The following NAALADL2 variants were observed in gnomAD, a reference collection of about 807,000 sequenced individuals.
NAALADL2 encodes inactive N-acetylated-alpha-linked acidic dipeptidase-like protein 2.
NAALADL2 carries 76 observed loss-of-function variants against 87.2 expected under a neutral mutation model. The observed-to-expected ratio is 0.87, with a 90% confidence interval of 0.72 to 1.05. NAALADL2 has a LOEUF of 1.05. Ranked by LOEUF, NAALADL2 falls within the 50% of genes least tolerant of loss-of-function variation. The pLI is 0.00. For missense variants in NAALADL2, 1,089 were observed against 945.8 expected (o/e 1.15, Z -1.99); for synonymous variants, 354 against 331.0 (o/e 1.07, Z -0.75).
At chr3:174,448,402 G>A (rs147594557) in intron 1 of NAALADL2, among the ~76,000 whole-genome samples, 1 of 152,312 alleles carries the variant, frequency 6.6e-6, no homozygotes, top group East Asian at 1.9e-4. Flanking sequence ...AAGAGGCACT[G>A]AAAGAATCAG....
intron 1 of NAALADL2, among the ~76,000 whole-genome samples, chr3:175,011,920 C>T (rs533188456): frequency 5.9e-5 from 9 of 152,160 alleles, no homozygotes; most frequent in African/African-American, 1.9e-4. Flanking sequence ...CATGTTAAAG[C>T]ATGCAAAAAC....
intron 3 of NAALADL2, among the ~76,000 whole-genome samples, chr3:175,253,030 A>G (rs1293985562): frequency 6.6e-6 from 1 of 152,228 alleles, no homozygotes; most frequent in Non-Finnish European, 1.5e-5. Context: ...TATAGAAGCC[A>G]CAGAGAGTTA....
chr3:174,999,529 G>A (rs1351420686), intron 1 of NAALADL2, among the ~76,000 whole-genome samples: 1 of 152,016 alleles, frequency 6.6e-6, no homozygotes, highest in African/African-American at 2.4e-5. Context: ...GTTATTCATA[G>A]GCTAACCCCT....
rs571864855 is a variant in NAALADL2 at position 175,072,055 on chromosome 3, A to T, written c.44-24735A>T. On this transcript the variant is annotated intron_variant, in intron 1 of 13. Coordinates refer to ENST00000454872, the MANE Select transcript of NAALADL2 (RefSeq NM_207015.3). Reference sequence around the variant, plus strand: ...GGAATATATGTACATTTTGTGGTTCAGAAAATATGGTCACAGTGTAAAACC... The same window carrying T: ...GGAATATATGTACATTTTGTGGTTCTGAAAATATGGTCACAGTGTAAAACC... Among the ~76,000 whole-genome samples the T allele has an allele frequency of 7.9e-5, 12 of 152,206 alleles. No individual in the cohort carries two copies. In the East Asian group the frequency reaches 2.3e-3, roughly 29 times the overall value.
intron 1 of NAALADL2, among the ~76,000 whole-genome samples, chr3:174,469,743 G>T (rs1219410215): frequency 6.6e-6 from 1 of 151,964 alleles, no homozygotes; most frequent in Non-Finnish European, 1.5e-5. Flanking sequence ...AATATTTTAA[G>T]GATAGTGAAG....
intron 1 of NAALADL2, among the ~76,000 whole-genome samples, chr3:175,093,139 T>C (rs527932048): frequency 7.2e-5 from 11 of 151,858 alleles, no homozygotes; most frequent in African/African-American, 2.6e-4. Flanking sequence ...GCATCAGTAA[T>C]AAAAAATTGA....
At chr3:175,264,674 A>C (rs62285940) in intron 4 of NAALADL2, among the ~76,000 whole-genome samples, 6,271 of 151,808 alleles carry the variant, frequency 0.041, 180 homozygotes, top group Non-Finnish European at 0.063. Context: ...AAATAAATAT[A>C]ACTTGACTTT....
chr3:175,242,744 C>A (rs995041123), intron 3 of NAALADL2, among the ~76,000 whole-genome samples: 2 of 152,158 alleles, frequency 1.3e-5, no homozygotes, highest in Non-Finnish European at 2.9e-5. Context: ...ACCTTTTATA[C>A]ATTAATCGCA....
chr3:175,678,527 T>C (rs553501312), intron 11 of NAALADL2, among the ~76,000 whole-genome samples: 25 of 151,686 alleles, frequency 1.6e-4, no homozygotes, highest in African/African-American at 5.4e-4. Context: ...AGATACACCA[T>C]GGAATACTAT....
At chr3:175,622,795 T>G (rs1196887787) in intron 10 of NAALADL2, among the ~76,000 whole-genome samples, 1 of 152,098 alleles carries the variant, frequency 6.6e-6, no homozygotes, top group Non-Finnish European at 1.5e-5. Context: ...ACAATGTGTA[T>G]TAAAGCATCA....
At chr3:174,694,285 A>G (rs935813683) in intron 2 of NAALADL2, among the ~76,000 whole-genome samples, 15 of 152,206 alleles carry the variant, frequency 9.9e-5, no homozygotes, top group Middle Eastern at 6.8e-3. Flanking sequence ...TTTAGTAACT[A>G]TGGCTGAAAA....
intron 1 of NAALADL2, among the ~76,000 whole-genome samples, chr3:174,885,811 CTCACACAA>C (rs1294081226): frequency 7.5e-6 from 1 of 132,670 alleles, no homozygotes; most frequent in Non-Finnish European, 1.6e-5. Context: ...TAAGTATTAA[CTCACACAA>C]TCACAAGTTC....
chr3:175,267,512 C>G (rs1752136395), intron 4 of NAALADL2, among the ~76,000 whole-genome samples: 1 of 152,040 alleles, frequency 6.6e-6, no homozygotes, highest in African/African-American at 2.4e-5. Context: ...CTTTTATGCT[C>G]AAATAAACTC....
intron 3 of NAALADL2, among the ~76,000 whole-genome samples, chr3:175,250,355 C>T (rs1748838629): frequency 6.6e-6 from 1 of 151,290 alleles, no homozygotes; most frequent in African/African-American, 2.4e-5. Context: ...AGAGCCATTG[C>T]CAGAAACCTA....
chr3:175,463,283 A>T, intron 6 of NAALADL2, 118 bp from the exon 7 acceptor site: 1 of 612,760 alleles, frequency 1.6e-6, no homozygotes, highest in East Asian at 2.9e-5. Flanking sequence ...TGGCTATCTG[A>T]GAACATTCAA....
In NAALADL2 at chr3:175,340,605, G is replaced by A. The variant is rs1342968628; in HGVS notation, c.1090+16280G>A. On this transcript the variant is annotated intron_variant, in intron 5 of 13. Coordinates refer to ENST00000454872, the MANE Select transcript of NAALADL2 (RefSeq NM_207015.3). ...AGCAGGGAGTGTTGGGAGTAGCTTT[G>A]TGGCAGCATGGCTTCTTCAACTGGC... Among the ~76,000 whole-genome samples the A allele has an allele frequency of 2.6e-5, 4 of 152,132 alleles. No homozygotes were observed. In the East Asian group the frequency reaches 7.7e-4, roughly 29 times the overall value.
At chr3:175,535,054 G>A (rs1343050939) in intron 9 of NAALADL2, among the ~76,000 whole-genome samples, 9 of 152,058 alleles carry the variant, frequency 5.9e-5, no homozygotes, top group African/African-American at 2.4e-5. Context: ...TCACTGTGGT[G>A]CATTATTAGA....
chr3:174,887,546 G>A (rs1730324397), intron 1 of NAALADL2, among the ~76,000 whole-genome samples: 1 of 152,174 alleles, frequency 6.6e-6, no homozygotes, highest in Non-Finnish European at 1.5e-5. Context: ...CATAAACCCA[G>A]CAATTTTGGA....
At chr3:174,652,464 A>G (rs2108757587) in intron 2 of NAALADL2, among the ~76,000 whole-genome samples, 1 of 152,332 alleles carries the variant, frequency 6.6e-6, no homozygotes, top group South Asian at 2.1e-4. Flanking sequence ...GGGAGGCCTC[A>G]CAATCATGGC....
Sources: allele counts gnomAD v4.1 joint callset (sites outside exome capture counted in the v4.1 genomes callset), GRCh38; gene constraint gnomAD v4.1.1; transcripts MANE v1.5; gene names NCBI Gene and HGNC (gene_info 2026-07-23, HGNC 2026-07-21).